The following ETS1 variants were observed in gnomAD, a reference collection of about 807,000 sequenced individuals.
ETS1 encodes the protein ETS proto-oncogene 1, transcription factor.
In ETS1, 15 loss-of-function variants were observed where a neutral mutation model predicts 58.6. The ratio of observed to expected loss-of-function variants is 0.26; its 90% CI spans 0.17 to 0.39. ETS1 has a LOEUF of 0.39. Among genes scored for constraint, ETS1 ranks in the 10% least tolerant of loss-of-function variants. ETS1 has a pLI of 1.00. For synonymous variants in ETS1, 214 were observed against 218.2 expected, an observed-to-expected ratio of 0.98 and a Z score of 0.17; for missense variants, 417 against 610.5, an observed-to-expected ratio of 0.68 and a Z score of 3.34.
At chr11:128,587,193 G>T (rs2135610659) in intron 1 of ETS1, among the ~76,000 whole-genome samples, 2 of 151,000 alleles carry the variant, frequency 1.3e-5, no homozygotes, top group Middle Eastern at 3.4e-3. Flanking sequence ...AAAAAATCAG[G>T]GTTTCTGACA....
chr11:128,468,438 C>T (rs978776698), intron 8 of ETS1, among the ~76,000 whole-genome samples: 1 of 152,170 alleles, frequency 6.6e-6, no homozygotes, highest in Non-Finnish European at 1.5e-5. Context: ...TTCCATTTCC[C>T]GATTTGTCAG....
chr11:128,482,012 C>T (rs917674364), intron 7 of ETS1, among the ~76,000 whole-genome samples: 2 of 152,138 alleles, frequency 1.3e-5, no homozygotes, highest in African/African-American at 4.8e-5. Flanking sequence ...CTCTGGAAAG[C>T]AAACTGAAGA....
At chr11:128,501,997 G>T (rs1165490714) in intron 3 of ETS1, among the ~76,000 whole-genome samples, 3 of 152,174 alleles carry the variant, frequency 2.0e-5, no homozygotes, top group Non-Finnish European at 2.9e-5. Flanking sequence ...CAGAGAAAGG[G>T]GGTGGGGTGG....
chr11:128,566,479 A>C (rs1029595025), intron 2 of ETS1, among the ~76,000 whole-genome samples: 3 of 152,154 alleles, frequency 2.0e-5, no homozygotes, highest in African/African-American at 7.2e-5. Flanking sequence ...CCCAAGATCA[A>C]ATAGCTAAAG....
At chr11:128,540,794 C>G (rs1383472490) in intron 3 of ETS1, among the ~76,000 whole-genome samples, 1 of 152,192 alleles carries the variant, frequency 6.6e-6, no homozygotes, top group Non-Finnish European at 1.5e-5. Flanking sequence ...ATATTTCATT[C>G]AGATTGGGAG....
rs1349972535 is a variant in ETS1, at chr11:128,549,663, G to A, written c.214+6628C>T. On this transcript the variant is annotated intron_variant, in intron 3 of 9. Transcript: ENST00000392668. The surrounding 1 kb of genome is among the most constrained non-coding windows in gnomAD (Gnocchi z 4.3). Reference sequence around the variant, plus strand: ...GTCACTCCACGAACCCAGCCCAGAGGCTTCGGTTTGTCTGTCTTGGTTTCC... The same window carrying A: ...GTCACTCCACGAACCCAGCCCAGAGACTTCGGTTTGTCTGTCTTGGTTTCC... Among the ~76,000 whole-genome samples the A allele has an allele frequency of 2.6e-5, 4 of 152,168 alleles. No homozygotes were observed. Among genetic ancestry groups the A allele is most frequent in the Admixed American group, 2.6e-4 (4 of 15,286 alleles).
chr11:128,568,965 AT>A (rs1174243884), intron 2 of ETS1, among the ~76,000 whole-genome samples: 1 of 152,240 alleles, frequency 6.6e-6, no homozygotes, highest in Non-Finnish European at 1.5e-5. Flanking sequence ...TAAAGCAATA[AT>A]TTACTAGTAA....
intron 3 of ETS1, among the ~76,000 whole-genome samples, chr11:128,552,182 A>C (rs1467175935): frequency 6.6e-6 from 1 of 152,108 alleles, no homozygotes; most frequent in African/African-American, 2.4e-5. Context: ...AAGTTGTCTA[A>C]GGTCACACAG....
chr11:128,492,383 T>C (rs190350921), intron 3 of ETS1, among the ~76,000 whole-genome samples: 2 of 152,344 alleles, frequency 1.3e-5, no homozygotes, highest in East Asian at 3.9e-4. Flanking sequence ...TCTCTCTTGT[T>C]TGCTTTTAGT....
rs533464347 is a variant in ETS1 at position 128,571,458 on chromosome 11, G to A, written c.69+1604C>T. Among the ~76,000 whole-genome samples the A allele has an allele frequency of 5.0e-4, 61 of 122,180 alleles. 1 individual carries two copies. The highest frequency in any genetic ancestry group is 1.7e-3 in the African/African-American group (56 of 32,186). 80.2% of individuals were successfully genotyped at this position (122,180 alleles called of 152,430 possible). A position where few individuals can be genotyped will look rare whatever the true frequency, so the allele number is the denominator to read the frequency against. Reference sequence around the variant, plus strand: ...GAGACTCCGTCCAGCCTGGGCGACAGAGCGAGACTCCGTCCAGCCTGGGCG... The same window carrying A: ...GAGACTCCGTCCAGCCTGGGCGACAAAGCGAGACTCCGTCCAGCCTGGGCG... On this transcript the variant is annotated intron_variant, in intron 2 of 9. Transcript: ENST00000392668.
chr11:128,552,841 A>G (rs1288257323), intron 3 of ETS1, among the ~76,000 whole-genome samples: 1 of 152,226 alleles, frequency 6.6e-6, no homozygotes, highest in African/African-American at 2.4e-5. Flanking sequence ...TACCCTGTGT[A>G]TCCAACAGGA....
At chr11:128,536,865 T>G (rs1863980021) in intron 3 of ETS1, 1 of 152,244 alleles carries the variant, frequency 6.6e-6, no homozygotes, top group Non-Finnish European at 1.5e-5. Flanking sequence ...ATTTTAAATT[T>G]TTTATGTGTC....
intron 3 of ETS1, among the ~76,000 whole-genome samples, chr11:128,501,775 CAT>C (rs1348394679): frequency 6.6e-6 from 1 of 152,220 alleles, no homozygotes; most frequent in African/African-American, 2.4e-5. Flanking sequence ...ATTAGATCCA[CAT>C]ATCTTTGTCT....
intron 8 of ETS1, among the ~76,000 whole-genome samples, chr11:128,477,216 T>C (rs1862346469): frequency 2.6e-5 from 4 of 152,332 alleles, no homozygotes; most frequent in South Asian, 4.1e-4. Flanking sequence ...AATAGTGACA[T>C]AGAGCTATGT....
chr11:128,577,536 G>A (rs1864775397), intron 1 of ETS1, among the ~76,000 whole-genome samples: 1 of 152,180 alleles, frequency 6.6e-6, no homozygotes, highest in Non-Finnish European at 1.5e-5. Context: ...AAAGTAGCTG[G>A]CACATAGATA....
chr11:128,570,942 G>T (rs533500038), intron 2 of ETS1, among the ~76,000 whole-genome samples: 3 of 152,046 alleles, frequency 2.0e-5, no homozygotes, highest in Admixed American at 2.0e-4. Flanking sequence ...ATATATTATC[G>T]TCTAAACCTT....
chr11:128,480,353 G>A lies in ETS1; in HGVS notation c.961C>T (p.Leu321=). The change falls in exon 8 of 10, where the codon CTG becomes TTG. Residue 321 remains leucine, a synonymous_variant. Coordinates refer to ENST00000392668, the MANE Select transcript of ETS1 (RefSeq NM_001143820.2). The stretch of plus-strand genomic sequence containing the variant: ...CTGTCATAGGAGGGAACACGCTGCA[G>A]GCTGTTGAAAGATGACTGGCTGCTC... ...SWSSQSSFNS[L]QRVPSYDSFD... 1 of 1,614,146 alleles carries A rather than the reference G, an allele frequency of 6.2e-7. No individual in the cohort carries two copies. Among genetic ancestry groups the A allele is most frequent in the East Asian group, 2.2e-5 (1 of 44,878 alleles).
At chr11:128,566,508 G>A (rs1864497448) in intron 2 of ETS1, among the ~76,000 whole-genome samples, 1 of 152,080 alleles carries the variant, frequency 6.6e-6, no homozygotes, top group African/African-American at 2.4e-5. Context: ...ACAGGGCCGG[G>A]CGCAGTGGCT....
intron 1 of ETS1, among the ~76,000 whole-genome samples, chr11:128,580,263 C>T (rs1171413427): frequency 6.7e-6 from 1 of 148,206 alleles, no homozygotes; most frequent in East Asian, 2.0e-4. Context: ...GAGTTAACTA[C>T]AAGCAAGATG....
Sources: allele counts gnomAD v4.1 joint callset (sites outside exome capture counted in the v4.1 genomes callset), GRCh38; gene constraint gnomAD v4.1.1; non-coding constraint Gnocchi (gnomAD v3.1); transcripts MANE v1.5; gene names NCBI Gene and HGNC (gene_info 2026-07-23, HGNC 2026-07-21).